Variants in DNER observed in about 807,000 individuals in gnomAD.
DNER encodes delta and Notch-like epidermal growth factor-related receptor.
A neutral mutation model predicts 78.2 loss-of-function variants in DNER; 33 were observed. The observed-to-expected ratio is 0.42, with a 90% CI of 0.32 to 0.56. DNER has a LOEUF of 0.56. Among genes scored for constraint, DNER ranks in the 20% least tolerant of loss-of-function variants. The pLI, the probability that DNER is intolerant of heterozygous loss-of-function variation, is 0.11. For missense variants in DNER, 918 were observed against 975.3 expected (o/e 0.94, Z 0.78); for synonymous variants, 417 against 384.8 (o/e 1.08, Z -0.98).
intron 4 of DNER, among the ~76,000 whole-genome samples, chr2:229,564,238 TCAA>T (rs1237862472): frequency 3.4e-5 from 5 of 147,688 alleles, no homozygotes; most frequent in Admixed American, 1.3e-4. Flanking sequence ...ATCTCCATCA[TCAA>T]CATCATGACA....
At chr2:229,563,849 G>A (rs192450252) in intron 4 of DNER, among the ~76,000 whole-genome samples, 828 of 51,274 alleles carry the variant, frequency 0.016, 4 homozygotes, top group Middle Eastern at 0.062. Context: ...CCCCACCACC[G>A]TCATCATCAT....
chr2:229,612,600 C>T (rs979718523), intron 1 of DNER, among the ~76,000 whole-genome samples: 4 of 152,226 alleles, frequency 2.6e-5, no homozygotes, highest in African/African-American at 4.8e-5. Context: ...CCAGAAGCCT[C>T]GCTGCGGACA....
chr2:229,636,978 T>C (rs561402689), intron 1 of DNER, among the ~76,000 whole-genome samples: 1 of 152,034 alleles, frequency 6.6e-6, no homozygotes, highest in Non-Finnish European at 1.5e-5. Flanking sequence ...CTCCAAAAAA[T>C]AAAAATAAAA....
chr2:229,463,979 T>C (rs4246637), intron 7 of DNER, among the ~76,000 whole-genome samples: 58,595 of 152,052 alleles, frequency 0.39, 13,153 homozygotes, highest in African/African-American at 0.63. Context: ...TCAGTGTGCG[T>C]GGCACCAGCT....
At chr2:229,425,742 C>T (rs1334157707) in intron 8 of DNER, among the ~76,000 whole-genome samples, 1 of 152,206 alleles carries the variant, frequency 6.6e-6, no homozygotes, top group African/African-American at 2.4e-5. Context: ...AGCCAGATGG[C>T]TTTCACACTT....
chr2:229,503,269 G>C (rs1011828499), intron 6 of DNER, among the ~76,000 whole-genome samples: 4 of 151,964 alleles, frequency 2.6e-5, no homozygotes, highest in African/African-American at 7.3e-5. Context: ...TGGTTCACTA[G>C]TTCAGAGCCT....
chr2:229,664,028 G>T (rs1256079833), intron 1 of DNER, among the ~76,000 whole-genome samples: 1 of 152,014 alleles, frequency 6.6e-6, no homozygotes, highest in Non-Finnish European at 1.5e-5. Flanking sequence ...TAACTAACCT[G>T]GTCCAATATG....
At position 229,358,460 on chromosome 2, in the gene DNER, T is replaced by C; in HGVS notation, c.*80A>G. 3.5e-6 allele frequency: 4 copies of C among 1,154,326 alleles called. No individual in the cohort carries two copies. The highest frequency in any genetic ancestry group is 4.7e-6 in the Non-Finnish European group (4 of 846,860). 71.5% of individuals were successfully genotyped at this position (1,154,326 alleles called of 1,614,324 possible). A position where few individuals can be genotyped will look rare whatever the true frequency, so the allele number is the denominator to read the frequency against. On this transcript the variant is annotated 3_prime_UTR_variant, in exon 13 of 13. Transcript: ENST00000341772. Reference sequence around the variant, plus strand: ...ACTCTTGAGCAGCTAGCATTTTAAATTTCTTAAGCTTTTTATTTTCTTAAA... The same window carrying C: ...ACTCTTGAGCAGCTAGCATTTTAAACTTCTTAAGCTTTTTATTTTCTTAAA...
intron 6 of DNER, among the ~76,000 whole-genome samples, chr2:229,486,024 A>C (rs2154211569): frequency 6.6e-6 from 1 of 152,326 alleles, no homozygotes; most frequent in Middle Eastern, 3.4e-3. Flanking sequence ...AGAACCCACC[A>C]GTCTCAGCTC....
At chr2:229,376,269 C>T (rs1692598576) in intron 11 of DNER, among the ~76,000 whole-genome samples, 1 of 152,082 alleles carries the variant, frequency 6.6e-6, no homozygotes, top group African/African-American at 2.4e-5. Context: ...CCTTCATGAA[C>T]TAGGTTAATG....
chr2:229,513,901 G>A (rs1695920345), intron 5 of DNER, among the ~76,000 whole-genome samples: 1 of 151,718 alleles, frequency 6.6e-6, no homozygotes, highest in Non-Finnish European at 1.5e-5. Flanking sequence ...CCCTCTCCCT[G>A]TCCTCAGCCT....
At chr2:229,517,487 T>C (rs915237128) in intron 5 of DNER, among the ~76,000 whole-genome samples, 4 of 152,202 alleles carry the variant, frequency 2.6e-5, no homozygotes, top group African/African-American at 9.6e-5. Flanking sequence ...AGAGTGGCCA[T>C]GGAGGCATCC....
intron 5 of DNER, among the ~76,000 whole-genome samples, chr2:229,532,342 C>T (rs1696319407): frequency 6.6e-6 from 1 of 152,122 alleles, no homozygotes; most frequent in Non-Finnish European, 1.5e-5. Flanking sequence ...CTCCCACCTC[C>T]CCAGGTGCCA....
chr2:229,657,992 G>C (rs1275992307), intron 1 of DNER, among the ~76,000 whole-genome samples: 1 of 152,116 alleles, frequency 6.6e-6, no homozygotes, highest in East Asian at 1.9e-4. Flanking sequence ...TCAATGATTT[G>C]AGAACAAGAA....
At chr2:229,678,738 A>C (rs564465305) in intron 1 of DNER, among the ~76,000 whole-genome samples, 9 of 152,360 alleles carry the variant, frequency 5.9e-5, no homozygotes, top group South Asian at 2.1e-4. Context: ...AGAAAAGTAC[A>C]TCAACTCATT....
At chr2:229,461,352 C>T (rs11675728) in intron 7 of DNER, among the ~76,000 whole-genome samples, 54,361 of 151,870 alleles carry the variant, frequency 0.36, 10,484 homozygotes, top group South Asian at 0.44. Context: ...TTTATTAGCA[C>T]GGCTCTTTAA....
At chr2:229,603,186 T>C (rs1457941960) in intron 1 of DNER, among the ~76,000 whole-genome samples, 1 of 152,102 alleles carries the variant, frequency 6.6e-6, no homozygotes, top group Non-Finnish European at 1.5e-5. Context: ...GGATTGTAGA[T>C]CCAATTGAAA....
At chr2:229,497,093 T>A (rs1324682734) in intron 6 of DNER, among the ~76,000 whole-genome samples, 1 of 152,154 alleles carries the variant, frequency 6.6e-6, no homozygotes, top group South Asian at 2.1e-4. Context: ...TGAAATCACA[T>A]CAATAATATT....
intron 1 of DNER, among the ~76,000 whole-genome samples, chr2:229,654,875 A>T (rs1314571020): frequency 6.6e-6 from 1 of 152,174 alleles, no homozygotes; most frequent in African/African-American, 2.4e-5. Context: ...ACTTTTCATC[A>T]GTCAAAAGGT....
Sources: allele counts gnomAD v4.1 joint callset (sites outside exome capture counted in the v4.1 genomes callset), GRCh38; gene constraint gnomAD v4.1.1; transcripts MANE v1.5; gene names NCBI Gene and HGNC (gene_info 2026-07-23, HGNC 2026-07-21).